The following UNC5C variants were observed in gnomAD, a reference collection of about 807,000 sequenced individuals.
UNC5C encodes the protein unc-5 netrin receptor C, also known as netrin receptor UNC5C.
A neutral mutation model predicts 99.8 loss-of-function variants in UNC5C; 47 were observed. The observed-to-expected ratio is 0.47, with a 90% CI of 0.37 to 0.60. The LOEUF (loss-of-function observed/expected upper bound fraction) is 0.60, where lower values mean the gene tolerates loss of function less well. UNC5C is among the 20% of genes least tolerant of loss of function. The pLI is 0.00. For missense variants in UNC5C, 1,062 were observed against 1,165.9 expected, an observed-to-expected ratio of 0.91 and a Z score of 1.30; for synonymous variants, 487 against 452.2, an observed-to-expected ratio of 1.08 and a Z score of -0.98.
At chr4:95,343,271 C>T (rs1743647618) in intron 1 of UNC5C, among the ~76,000 whole-genome samples, 1 of 152,076 alleles carries the variant, frequency 6.6e-6, no homozygotes, top group Admixed American at 6.5e-5. Context: ...GACAGGGATG[C>T]TTATGTCACC....
chr4:95,385,692 A>T (rs752719128), intron 1 of UNC5C, among the ~76,000 whole-genome samples: 1 of 152,192 alleles, frequency 6.6e-6, no homozygotes, highest in Non-Finnish European at 1.5e-5. Flanking sequence ...CAGTGGTTGA[A>T]GGTCCAGTCC....
At chr4:95,181,894 C>CGTCA (rs1345193158) in intron 14 of UNC5C, among the ~76,000 whole-genome samples, 1 of 152,182 alleles carries the variant, frequency 6.6e-6, no homozygotes, top group African/African-American at 2.4e-5. Flanking sequence ...ACATTGCATT[C>CGTCA]GTCACTGTGC....
At chr4:95,404,373 C>T (rs982716210) in intron 1 of UNC5C, among the ~76,000 whole-genome samples, 3 of 152,064 alleles carry the variant, frequency 2.0e-5, no homozygotes, top group Admixed American at 1.3e-4. Flanking sequence ...ACCCAGGTAT[C>T]GCTCTCCCTT....
chr4:95,398,678 A>G (rs543622392), intron 1 of UNC5C, among the ~76,000 whole-genome samples: 1 of 152,336 alleles, frequency 6.6e-6, no homozygotes, highest in African/African-American at 2.4e-5. Flanking sequence ...CTAGAAGACA[A>G]TAGGGCATTG....
chr4:95,307,943 A>G (rs1179062037), intron 2 of UNC5C, among the ~76,000 whole-genome samples: 1 of 152,250 alleles, frequency 6.6e-6, no homozygotes, highest in Admixed American at 6.5e-5. Context: ...AAAACTCTCA[A>G]CAAATTGGAT....
intron 7 of UNC5C, among the ~76,000 whole-genome samples, chr4:95,239,992 T>C (rs1739272772): frequency 6.6e-6 from 1 of 152,194 alleles, no homozygotes; most frequent in African/African-American, 2.4e-5. Context: ...GAATTATTTG[T>C]ATACAATTTT....
intron 1 of UNC5C, among the ~76,000 whole-genome samples, chr4:95,425,059 T>G (rs918365358): frequency 6.6e-6 from 1 of 152,170 alleles, no homozygotes; most frequent in African/African-American, 2.4e-5. Flanking sequence ...ATTAGGCATT[T>G]CAATGTTACT....
intron 14 of UNC5C, among the ~76,000 whole-genome samples, chr4:95,178,916 T>TGACA (rs1204629452): frequency 1.3e-5 from 2 of 152,230 alleles, no homozygotes; most frequent in South Asian, 2.1e-4. Flanking sequence ...ATCAAATGGC[T>TGACA]GACAACAGCC....
intron 10 of UNC5C, among the ~76,000 whole-genome samples, chr4:95,212,932 T>C (rs971113801): frequency 1.3e-5 from 2 of 152,174 alleles, no homozygotes; most frequent in Non-Finnish European, 2.9e-5. Flanking sequence ...TTCCTCCTCC[T>C]CCTCTCTCCT....
chr4:95,519,536 T>A (rs532883161), intron 1 of UNC5C, among the ~76,000 whole-genome samples: 83 of 144,658 alleles, frequency 5.7e-4, no homozygotes, highest in Admixed American at 1.0e-3. Flanking sequence ...TTAGCACATT[T>A]AAAAAAAAAA....
intron 1 of UNC5C, among the ~76,000 whole-genome samples, chr4:95,490,397 T>A (rs1721449136): frequency 6.6e-6 from 1 of 151,726 alleles, no homozygotes; most frequent in African/African-American, 2.4e-5. Flanking sequence ...GCTCCCATTG[T>A]GAACTTTTAA....
At chr4:95,367,766 CTG>C (rs1744617760) in intron 1 of UNC5C, among the ~76,000 whole-genome samples, 1 of 152,126 alleles carries the variant, frequency 6.6e-6, no homozygotes, top group African/African-American at 2.4e-5. Flanking sequence ...TTCAGTGACT[CTG>C]TAAATTTTAG....
intron 1 of UNC5C, among the ~76,000 whole-genome samples, chr4:95,516,361 A>G (rs1236832064): frequency 6.6e-6 from 1 of 152,176 alleles, no homozygotes; most frequent in Non-Finnish European, 1.5e-5. Flanking sequence ...CTGGGACAGA[A>G]GGTTCTTTGG....
chr4:95,176,823 G>T (rs983661115), intron 14 of UNC5C, among the ~76,000 whole-genome samples: 11 of 152,218 alleles, frequency 7.2e-5, no homozygotes, highest in African/African-American at 1.9e-4. Flanking sequence ...GGGCAATGGC[G>T]GGGGCCCCTC....
At chr4:95,245,746 T>C (rs1400580931) in intron 5 of UNC5C, among the ~76,000 whole-genome samples, 4 of 152,214 alleles carry the variant, frequency 2.6e-5, no homozygotes, top group Admixed American at 2.6e-4. Context: ...ACTTACTTTG[T>C]GTATAAAGGC....
At chr4:95,298,988 C>T (rs769274446) in intron 3 of UNC5C, among the ~76,000 whole-genome samples, 10 of 152,010 alleles carry the variant, frequency 6.6e-5, no homozygotes, top group East Asian at 3.9e-4. Context: ...CTTACCCTTC[C>T]GAGCTAGAAA....
chr4:95,456,644 C>T (rs185941762), intron 1 of UNC5C, among the ~76,000 whole-genome samples: 16 of 152,058 alleles, frequency 1.1e-4, no homozygotes, highest in Middle Eastern at 3.4e-3. Context: ...AATTCAAGGA[C>T]GTAACCAAAA....
At chr4:95,286,523 G>T (rs1741239750) in intron 3 of UNC5C, among the ~76,000 whole-genome samples, 1 of 152,188 alleles carries the variant, frequency 6.6e-6, no homozygotes. Context: ...GCTTTACTGG[G>T]TCCGTGTTGG....
chr4:95,334,857 G>A (rs1490404710), intron 2 of UNC5C, among the ~76,000 whole-genome samples: 1 of 151,902 alleles, frequency 6.6e-6, no homozygotes, highest in African/African-American at 2.4e-5. Context: ...CACTATCACT[G>A]TTCTGAATCA....
Sources: allele counts gnomAD v4.1 joint callset (sites outside exome capture counted in the v4.1 genomes callset), GRCh38; gene constraint gnomAD v4.1.1; transcripts MANE v1.5; gene names NCBI Gene and HGNC (gene_info 2026-07-23, HGNC 2026-07-21).